The following PHLDB2 variants were observed in gnomAD, a reference collection of about 807,000 sequenced individuals.
PHLDB2 encodes pleckstrin homology like domain family B member 2.
In PHLDB2, 71 loss-of-function variants were observed where a neutral mutation model predicts 123.6. The observed-to-expected ratio is 0.57, with a 90% CI of 0.47 to 0.70. The LOEUF is 0.70. Ranked by LOEUF, PHLDB2 falls within the 30% of genes least tolerant of loss-of-function variation. The probability of loss-of-function intolerance (pLI) is 0.00; values close to 1 mark genes in which losing one functional copy is unlikely to be tolerated. For synonymous variants in PHLDB2, 547 were observed against 541.6 expected, an observed-to-expected ratio of 1.01 and a Z score of -0.14; for missense variants, 1,446 against 1,519.5, an observed-to-expected ratio of 0.95 and a Z score of 0.80.
In PHLDB2 at chr3:111,929,027, C is replaced by T. The variant is rs146285111; in HGVS notation, c.2002-3242C>T. ...CTATAATCCCAGCACTTTAGGAGGC[C>T]GAAGTGGGAAAATCTCTTGAGCCCA... On this transcript the variant is annotated intron_variant, in intron 5 of 17. Coordinates refer to ENST00000431670, the MANE Select transcript of PHLDB2 (RefSeq NM_001134438.2). Among the ~76,000 whole-genome samples the T allele has an allele frequency of 4.8e-3, 726 of 152,182 alleles. 3 individuals carry two copies. The highest frequency in any genetic ancestry group is 0.016 in the African/African-American group (668 of 41,504).
At chr3:111,954,862 A>C (rs928750232) in intron 12 of PHLDB2, among the ~76,000 whole-genome samples, 16 of 152,298 alleles carry the variant, frequency 1.1e-4, no homozygotes, top group Middle Eastern at 3.4e-3. Context: ...CGGTATGCCC[A>C]GGATATAAAT....
chr3:111,929,610 A>G (rs1322220437), intron 5 of PHLDB2, among the ~76,000 whole-genome samples: 3 of 152,178 alleles, frequency 2.0e-5, no homozygotes, highest in Non-Finnish European at 4.4e-5. Context: ...TTCTGGCTCA[A>G]AGTTGGTCTA....
Position 111,884,704 on chromosome 3 carries a change from G to T in PHLDB2, c.627G>T (p.Arg209Ser), listed in dbSNP as rs1364193869. Residue 209 changes from arginine to serine, a missense_variant, in exon 2 of 18, where the codon AGG becomes AGT. Arg to Ser is a moderately radical substitution (Grantham distance 110). Transcript: ENST00000431670. Reference protein sequence around the residue: ...ASMPSSPKQARKMSIQDSLAL... With the variant: ...ASMPSSPKQASKMSIQDSLAL... ...TGCCTTCAAGCCCAAAGCAAGCCAGGAAAATGAGCATTCAGGACAGCCTGG... is the reference window on the plus strand; with the variant it reads ...TGCCTTCAAGCCCAAAGCAAGCCAGTAAAATGAGCATTCAGGACAGCCTGG... 1.9e-6 allele frequency: 3 copies of T among 1,614,102 alleles called. No homozygotes were observed. Among genetic ancestry groups the T allele is most frequent in the African/African-American group, 2.7e-5 (2 of 75,026 alleles).
chr3:111,845,893 G>A (rs752553376), exon 2 of PHLDB2: 6 of 1,614,232 alleles, frequency 3.7e-6, no homozygotes, highest in East Asian at 2.2e-5. Context: ...TACCAAGAGA[G>A]AGGTGCCCAA....
intron 1 of PHLDB2, among the ~76,000 whole-genome samples, chr3:111,866,278 A>G (rs2065076830): frequency 1.3e-5 from 2 of 152,060 alleles, no homozygotes. Flanking sequence ...TCAGCATCAC[A>G]GAGTGCTGGA....
intron 2 of PHLDB2, among the ~76,000 whole-genome samples, chr3:111,853,644 G>A (rs1263539209): frequency 6.6e-6 from 1 of 152,138 alleles, no homozygotes; most frequent in African/African-American, 2.4e-5. Context: ...GGAAGGCCGA[G>A]GTGGGTGGAT....
chr3:111,891,146 A>G (rs2066464247), intron 2 of PHLDB2, among the ~76,000 whole-genome samples: 2 of 152,116 alleles, frequency 1.3e-5, no homozygotes, highest in Non-Finnish European at 2.9e-5. Context: ...GTGTTGCTAG[A>G]GGGCTGGGAT....
rs899064739 is a variant in PHLDB2 at position 111,871,132 on chromosome 3, G to A, written c.-15+11556G>A. The stretch of plus-strand genomic sequence containing the variant: ...TTGCTCTTGCAGTCAGTCCCTCTTC[G>A]ATTAATTCCTACTATATTGATTGGA... On this transcript the variant is annotated intron_variant, in intron 1 of 17. Coordinates refer to ENST00000431670, the MANE Select transcript of PHLDB2 (RefSeq NM_001134438.2). Among the ~76,000 whole-genome samples the A allele has an allele frequency of 3.3e-4, 50 of 151,970 alleles. 1 individual carries two copies. Among genetic ancestry groups the A allele is most frequent in the Middle Eastern group, 3.2e-3 (1 of 316 alleles).
chr3:111,944,104 C>CA (rs2070114706), intron 8 of PHLDB2, among the ~76,000 whole-genome samples: 2 of 152,056 alleles, frequency 1.3e-5, no homozygotes, highest in South Asian at 4.1e-4. Context: ...AGAGGGCTGA[C>CA]ACAAAAGAAT....
rs117442883 is a variant in PHLDB2, at chr3:111,939,856, C to G, written c.2286+226C>G. Among the ~76,000 whole-genome samples, 6 of 152,238 alleles carry G rather than the reference C, an allele frequency of 3.9e-5. No homozygotes were observed. In the East Asian group the frequency reaches 1.2e-3, roughly 29 times the overall value. On this transcript the variant is annotated intron_variant, in intron 7 of 17. Transcript: ENST00000431670. ...CTAATTGTTTCATTCACGTGAAAAC[C>G]AAGGCATAGAAAATCAGGAATTCAG... is the stretch of plus-strand genomic sequence containing the variant.
chr3:111,834,610 T>C (rs2063317136), intron 1 of PHLDB2, among the ~76,000 whole-genome samples: 1 of 152,036 alleles, frequency 6.6e-6, no homozygotes, highest in East Asian at 1.9e-4. Flanking sequence ...CATATAACTT[T>C]AAGTACTCTT....
chr3:111,947,324 G>A (rs1167545910), intron 9 of PHLDB2, among the ~76,000 whole-genome samples: 1 of 152,152 alleles, frequency 6.6e-6, no homozygotes, highest in African/African-American at 2.4e-5. Flanking sequence ...TTGTGTATCT[G>A]CAACTCTTCT....
rs1238267944 is a variant in PHLDB2, at chr3:111,920,272, G to A, written c.1864-10G>A. 1 of 1,611,632 alleles carries A rather than the reference G, an allele frequency of 6.2e-7. No homozygotes were observed. The highest frequency in any genetic ancestry group is 2.2e-5 in the East Asian group (1 of 44,844). On this transcript the variant is annotated splice_polypyrimidine_tract_variant and intron_variant, in intron 4 of 17. Coordinates refer to ENST00000431670, the MANE Select transcript of PHLDB2 (RefSeq NM_001134438.2). ...GTGAAACACTTCTGAGCTTTGGTTTGTGTCCTTAGTTGGATATGGAATGTG... is the reference window on the plus strand; with the variant it reads ...GTGAAACACTTCTGAGCTTTGGTTTATGTCCTTAGTTGGATATGGAATGTG...
At chr3:111,850,557 G>C (rs1366618991) in intron 2 of PHLDB2, among the ~76,000 whole-genome samples, 2 of 152,144 alleles carry the variant, frequency 1.3e-5, no homozygotes, top group Admixed American at 6.6e-5. Context: ...CTTGACCCCA[G>C]GAGCTCAAGA....
At chr3:111,895,304 A>G (rs904580167) in intron 2 of PHLDB2, among the ~76,000 whole-genome samples, 1 of 152,182 alleles carries the variant, frequency 6.6e-6, no homozygotes, top group Non-Finnish European at 1.5e-5. Context: ...AATTTGAGAG[A>G]TGTATGTTCT....
At chr3:111,942,354 T>A (rs1039130669) in intron 8 of PHLDB2, among the ~76,000 whole-genome samples, 1 of 152,222 alleles carries the variant, frequency 6.6e-6, no homozygotes, top group Non-Finnish European at 1.5e-5. Flanking sequence ...ACAGTTGATC[T>A]TCATTATTCA....
intron 1 of PHLDB2, among the ~76,000 whole-genome samples, chr3:111,828,797 A>G (rs759678906): frequency 7.5e-6 from 1 of 133,386 alleles, no homozygotes; most frequent in Non-Finnish European, 1.8e-5. Context: ...CAAAATGAAC[A>G]AACAAACAAA....
chr3:111,750,421 A>G (rs1171187430), intron 1 of PHLDB2, among the ~76,000 whole-genome samples: 4 of 152,230 alleles, frequency 2.6e-5, no homozygotes, highest in Non-Finnish European at 5.9e-5. Context: ...AAATTCTGCA[A>G]GTTAGTTCAT....
At chr3:111,927,834 G>T (rs1243684265) in intron 5 of PHLDB2, among the ~76,000 whole-genome samples, 1 of 152,032 alleles carries the variant, frequency 6.6e-6, no homozygotes, top group Non-Finnish European at 1.5e-5. Flanking sequence ...TTTTTAATTG[G>T]TATCCTAGAA....
Sources: allele counts gnomAD v4.1 joint callset (sites outside exome capture counted in the v4.1 genomes callset), GRCh38; gene constraint gnomAD v4.1.1; transcripts MANE v1.5; gene names NCBI Gene and HGNC (gene_info 2026-07-23, HGNC 2026-07-21).